The following EZR variants were observed in gnomAD, a reference collection of about 807,000 sequenced individuals.
The protein encoded by EZR is ezrin, also known as cytovillin 2.
A neutral mutation model predicts 74.8 loss-of-function variants in EZR; 40 were observed. The ratio of observed to expected loss-of-function variants is 0.53; its 90% CI spans 0.42 to 0.70. The LOEUF (loss-of-function observed/expected upper bound fraction) is 0.70. Among genes scored for constraint, EZR ranks in the 30% least tolerant of loss-of-function variants. The pLI, the probability that EZR is intolerant of heterozygous loss-of-function variation, is 0.00. For synonymous variants in EZR, 341 were observed against 283.3 expected, an observed-to-expected ratio of 1.20 and a Z score of -2.05; for missense variants, 678 against 755.8, an observed-to-expected ratio of 0.90 and a Z score of 1.21.
At position 158,771,235 on chromosome 6, in the gene EZR, C is replaced by G. The variant is rs562542355; in HGVS notation, c.959+9G>C. On this transcript the variant is annotated intron_variant, in intron 9 of 13. Transcript: ENST00000367075. ...ACAGGCCCCCCCCACTCTGGCCTCA[C>G]GCGCTCACCGCTCCAGCTGCTTCTG... 6.2e-7 allele frequency: 1 copy of G among 1,605,850 alleles called. No individual in the cohort carries two copies. The highest frequency in any genetic ancestry group is 8.5e-7 in the Non-Finnish European group (1 of 1,176,066).
intron 12 of EZR, among the ~76,000 whole-genome samples, chr6:158,768,391 T>A (rs979542289): frequency 1.9e-5 from 1 of 53,354 alleles, no homozygotes; most frequent in Non-Finnish European, 5.5e-5. Context: ...TTTATAGCCG[T>A]TGTGAGAACA....
chr6:158,789,983 T>A (rs1044102657), intron 2 of EZR, among the ~76,000 whole-genome samples: 1 of 152,108 alleles, frequency 6.6e-6, no homozygotes, highest in African/African-American at 2.4e-5. Flanking sequence ...CACCATCTCA[T>A]ATGAGCCTTA....
chr6:158,768,678 G>A (rs1320986407), intron 12 of EZR, among the ~76,000 whole-genome samples: 2 of 152,194 alleles, frequency 1.3e-5, no homozygotes, highest in African/African-American at 2.4e-5. Flanking sequence ...CAAGCTCTGT[G>A]TGCGTCCCAC....
intron 2 of EZR, among the ~76,000 whole-genome samples, chr6:158,809,861 A>G (rs911909155): frequency 4.6e-5 from 7 of 152,252 alleles, no homozygotes; most frequent in Non-Finnish European, 7.3e-5. Flanking sequence ...CTTCAAAAAT[A>G]TAAAAACCAT....
At position 158,770,813 on chromosome 6, in the gene EZR, C is replaced by G. The variant is rs1383101149; in HGVS notation, c.1041G>C (p.Leu347Phe). The G allele has an allele frequency of 1.2e-6, 2 of 1,614,218 alleles. No individual in the cohort carries two copies. The highest frequency in any genetic ancestry group is 1.7e-6 in the Non-Finnish European group (2 of 1,180,034). ...CCTCATAGTCCTGCAGCCGCAGCAT[C>G]AACTCCTCCTTCTCGCGCATCATCT... is the stretch of plus-strand genomic sequence containing the variant. ...KEQMMREKEELMLRLQDYEEK... is the reference protein window; with the variant it reads ...KEQMMREKEEFMLRLQDYEEK... The change falls in exon 10 of 14, where the codon TTG becomes TTC. Residue 347 changes from leucine (L) to phenylalanine (F), a missense_variant. By Grantham distance (22) the Leu-to-Phe change is conservative. Coordinates refer to ENST00000367075, the MANE Select transcript of EZR (RefSeq NM_001111077.2).
At position 158,776,512 on chromosome 6, in the gene EZR, T is replaced by TAAA; in HGVS notation, c.699-11_699-9dup. The TAAA allele has an allele frequency of 6.2e-7, 1 of 1,601,902 alleles. No homozygotes were observed. Among genetic ancestry groups the TAAA allele is most frequent in the Non-Finnish European group, 8.5e-7 (1 of 1,172,680 alleles). ...CCAATCTTTGGGGTTAACCTGAGGT[T>TAAA]AAAAAGAAGAAGTGGATGGTTAGAT... On this transcript the variant is annotated splice_polypyrimidine_tract_variant and intron_variant, in intron 7 of 13. Transcript: ENST00000367075.
rs1029535720 is a variant in EZR, at chr6:158,780,866, C to T, written c.698+2654G>A. ...TACCTGTTTTTGCCCTCTTTATACT[C>T]CCACCTATTCCAAGCTAAGGGTTTA... On this transcript the variant is annotated intron_variant, in intron 7 of 13. Transcript: ENST00000367075. Among the ~76,000 whole-genome samples, 6 of 152,142 alleles carry T rather than the reference C, an allele frequency of 3.9e-5. No individual in the cohort carries two copies. In the East Asian group the frequency reaches 7.7e-4, roughly 20 times the overall value.
intron 2 of EZR, among the ~76,000 whole-genome samples, chr6:158,806,305 G>A (rs775613332): frequency 3.3e-5 from 5 of 152,176 alleles, no homozygotes; most frequent in Non-Finnish European, 5.9e-5. Flanking sequence ...ACTTCATGAC[G>A]AGCAAAAGTA....
chr6:158,771,652 G>A (rs769823308), intron 8 of EZR, among the ~76,000 whole-genome samples: 18 of 152,186 alleles, frequency 1.2e-4, no homozygotes, highest in Admixed American at 3.3e-4. Context: ...GACGGGTGGA[G>A]GAAGGGCAGG....
At chr6:158,793,308 T>C (rs375438783) in intron 2 of EZR, among the ~76,000 whole-genome samples, 5 of 151,938 alleles carry the variant, frequency 3.3e-5, no homozygotes, top group African/African-American at 9.7e-5. Context: ...GGACCAGCAA[T>C]AGGAATCCAT....
chr6:158,813,919 G>C (rs1293912917), intron 2 of EZR, among the ~76,000 whole-genome samples: 1 of 152,182 alleles, frequency 6.6e-6, no homozygotes, highest in Non-Finnish European at 1.5e-5. Context: ...CTTAACTACA[G>C]CAGTGTTCCT....
At chr6:158,785,656 A>G in intron 4 of EZR, 73 bp from the exon 5 acceptor site, 1 of 1,567,852 alleles carries the variant, frequency 6.4e-7, no homozygotes. Context: ...ACAGGCTTCT[A>G]ACCAAGACTC....
chr6:158,771,436 T>C, intron 8 of EZR, 29 bp from the exon 9 acceptor site: 2 of 1,546,602 alleles, frequency 1.3e-6, no homozygotes, highest in East Asian at 2.3e-5. Context: ...CCACCTGGAC[T>C]CAAGCTCCTT....
rs936946477 is a variant in EZR at position 158,776,461 on chromosome 6, T to C, written c.742A>G (p.Ile248Val). Residue 248 changes from isoleucine (I) to valine (V), a missense_variant, in exon 8 of 14, where the codon ATC (isoleucine) becomes GTC (valine). This residue lies in a region of EZR where 119 missense variants were observed against 182.3 expected (regional missense o/e 0.65). Coordinates refer to ENST00000367075, the MANE Select transcript of EZR (RefSeq NM_001111077.2). ...IGFPWSEIRN[I>V]SFNDKKFVIK... is the part of the protein sequence containing the mutation. ...ACAAACTTTTTGTCATTGAAAGAGATGTTCCTGATTTCACTCCAAGGAAAG... is the reference window on the plus strand; with the variant it reads ...ACAAACTTTTTGTCATTGAAAGAGACGTTCCTGATTTCACTCCAAGGAAAG... 3 of 1,613,160 alleles carry C rather than the reference T, an allele frequency of 1.9e-6. No individual in the cohort carries two copies. Among genetic ancestry groups the C allele is most frequent in the Non-Finnish European group, 2.5e-6 (3 of 1,179,832 alleles).
intron 2 of EZR, among the ~76,000 whole-genome samples, chr6:158,817,741 G>A (rs970360097): frequency 1.3e-5 from 2 of 152,082 alleles, no homozygotes; most frequent in African/African-American, 2.4e-5. Flanking sequence ...CCTGTGATTT[G>A]GACTTTTTAA....
rs868561978 is a variant in EZR, at chr6:158,776,289, T to C, written c.795+119A>G. 5 of 828,992 alleles carry C rather than the reference T, an allele frequency of 6.0e-6. No homozygotes were observed. In the East Asian group the frequency reaches 9.8e-5, roughly 16 times the overall value. 51.4% of individuals were successfully genotyped at this position (828,992 alleles called of 1,614,324 possible). On this transcript the variant is annotated intron_variant, in intron 8 of 13. Transcript: ENST00000367075. ...CCCACAGGATCTCTGGCCCTCAATG[T>C]AACCTCATGAGGAGTTTGGACTATC...
At chr6:158,817,420 C>T (rs1777581846) in intron 2 of EZR, among the ~76,000 whole-genome samples, 1 of 152,198 alleles carries the variant, frequency 6.6e-6, no homozygotes. Flanking sequence ...CATCAGCTGA[C>T]CAGGAGTGCT....
At chr6:158,803,560 T>A (rs866044663) in intron 2 of EZR, among the ~76,000 whole-genome samples, 1 of 4,170 alleles carries the variant, frequency 2.4e-4, no homozygotes, top group Non-Finnish European at 4.9e-4. Context: ...TATATATATA[T>A]ATATATATAT....
chr6:158,789,821 T>C (rs1222741866), intron 2 of EZR, among the ~76,000 whole-genome samples: 1 of 152,244 alleles, frequency 6.6e-6, no homozygotes, highest in East Asian at 1.9e-4. Context: ...GGTCTCACTA[T>C]GTTGCCTAGG....
Sources: allele counts gnomAD v4.1 joint callset (sites outside exome capture counted in the v4.1 genomes callset), GRCh38; gene constraint gnomAD v4.1.1; regional missense constraint gnomAD v4.1.1; transcripts MANE v1.5; gene names NCBI Gene and HGNC (gene_info 2026-07-23, HGNC 2026-07-21).